The following MGAT4C variants were observed in gnomAD, a reference collection of about 807,000 sequenced individuals.
MGAT4C encodes the protein alpha-1,3-mannosyl-glycoprotein 4-beta-N-acetylglucosaminyltransferase C.
In MGAT4C, 19 loss-of-function variants were observed where a neutral mutation model predicts 40.1. The observed-to-expected ratio is 0.47, with a 90% CI of 0.33 to 0.70. The LOEUF (loss-of-function observed/expected upper bound fraction) is 0.70. MGAT4C is among the 30% of genes least tolerant of loss of function. The pLI is 0.02. For missense variants in MGAT4C, 491 were observed against 563.2 expected, an observed-to-expected ratio of 0.87 and a Z score of 1.30; for synonymous variants, 181 against 187.1, an observed-to-expected ratio of 0.97 and a Z score of 0.27.
chr12:86,281,559 T>C (rs1156467952), intron 4 of MGAT4C, among the ~76,000 whole-genome samples: 1 of 152,004 alleles, frequency 6.6e-6, no homozygotes, highest in African/African-American at 2.4e-5. Flanking sequence ...AATTTTTCTA[T>C]TTTTTTAGAG....
intron 4 of MGAT4C, among the ~76,000 whole-genome samples, chr12:86,268,920 G>A (rs1318947716): frequency 2.8e-5 from 4 of 142,374 alleles, no homozygotes; most frequent in Non-Finnish European, 6.1e-5. Flanking sequence ...AACAAGTAGA[G>A]GAGATATTAC....
intron 4 of MGAT4C, 36 bp downstream of exon 4, chr12:85,983,487 T>A: frequency 6.8e-7 from 1 of 1,466,776 alleles, no homozygotes; most frequent in South Asian, 1.4e-5. Flanking sequence ...CAAAATATTT[T>A]ATGTATTCTT....
At chr12:86,713,571 T>C (rs937235772) in intron 2 of MGAT4C, among the ~76,000 whole-genome samples, 1 of 152,130 alleles carries the variant, frequency 6.6e-6, no homozygotes, top group Non-Finnish European at 1.5e-5. Flanking sequence ...CAAGAAAGGA[T>C]AGTTTCATGA....
intron 3 of MGAT4C, among the ~76,000 whole-genome samples, chr12:86,336,834 T>C (rs1954801417): frequency 6.6e-6 from 1 of 152,164 alleles, no homozygotes; most frequent in African/African-American, 2.4e-5. Flanking sequence ...GGCACTTATT[T>C]TTCAATATTT....
At chr12:86,283,335 T>C (rs574570409) in intron 4 of MGAT4C, among the ~76,000 whole-genome samples, 2 of 152,194 alleles carry the variant, frequency 1.3e-5, no homozygotes, top group East Asian at 3.9e-4. Context: ...TAGTGTTTTA[T>C]AGTGGTAGAG....
At chr12:86,422,716 T>C (rs1956851349) in intron 3 of MGAT4C, among the ~76,000 whole-genome samples, 1 of 152,172 alleles carries the variant, frequency 6.6e-6, no homozygotes, top group Non-Finnish European at 1.5e-5. Context: ...AATAAAGATA[T>C]TGTGGAATAA....
intron 2 of MGAT4C, among the ~76,000 whole-genome samples, chr12:86,027,012 T>C (rs1333211113): frequency 6.6e-6 from 1 of 152,024 alleles, no homozygotes; most frequent in Non-Finnish European, 1.5e-5. Context: ...TATTAACTAG[T>C]TCTCAGTATA....
intron 2 of MGAT4C, among the ~76,000 whole-genome samples, chr12:86,526,848 T>C (rs1958892915): frequency 6.6e-6 from 1 of 152,056 alleles, no homozygotes; most frequent in South Asian, 2.1e-4. Flanking sequence ...CCAACTCGAG[T>C]GTCCATGGTG....
intron 1 of MGAT4C, among the ~76,000 whole-genome samples, chr12:86,188,973 G>A (rs564459651): frequency 2.0e-5 from 3 of 151,968 alleles, no homozygotes; most frequent in Non-Finnish European, 2.9e-5. Context: ...AGAGTGGTTA[G>A]GGTAACTAGA....
At chr12:86,244,805 C>A (rs1229218755) in intron 1 of MGAT4C, among the ~76,000 whole-genome samples, 1 of 152,154 alleles carries the variant, frequency 6.6e-6, no homozygotes, top group Non-Finnish European at 1.5e-5. Context: ...GTTCTTCAAA[C>A]AGAAAGAACA....
intron 2 of MGAT4C, among the ~76,000 whole-genome samples, chr12:86,476,671 T>G (rs762246628): frequency 2.6e-5 from 4 of 152,042 alleles, no homozygotes; most frequent in African/African-American, 9.7e-5. Context: ...AGACATGGAA[T>G]CAACCAAGGT....
At position 86,678,872 on chromosome 12, in the gene MGAT4C, T is replaced by C. The variant is rs538047285; in HGVS notation, c.-229+48337A>G. On this transcript the variant is annotated intron_variant, in intron 2 of 7. Coordinates refer to the MGAT4C transcript ENST00000548651. ...GGTTCCAAGTCTTTGCTATTGTTAA[T>C]AGTGCTGCAGTAAACATACGTGTGC... 3.1e-3 allele frequency among the ~76,000 whole-genome samples: 475 copies of C among 152,252 alleles called. 1 individual carries two copies. The highest frequency in any genetic ancestry group is 0.011 in the African/African-American group (460 of 41,534).
At chr12:86,121,577 G>T (rs1592997441) in intron 1 of MGAT4C, among the ~76,000 whole-genome samples, 1 of 152,226 alleles carries the variant, frequency 6.6e-6, no homozygotes, top group African/African-American at 2.4e-5. Flanking sequence ...CCAGAAGAGA[G>T]TGGGGGCCAA....
chr12:86,457,693 C>T (rs1176060846), intron 2 of MGAT4C, among the ~76,000 whole-genome samples: 1 of 152,058 alleles, frequency 6.6e-6, no homozygotes, highest in Non-Finnish European at 1.5e-5. Context: ...TAGTCACAGA[C>T]TTTAGACTCT....
intron 1 of MGAT4C, among the ~76,000 whole-genome samples, chr12:86,057,545 C>A (rs769885483): frequency 6.6e-6 from 1 of 152,114 alleles, no homozygotes; most frequent in Non-Finnish European, 1.5e-5. Flanking sequence ...ACATATATTC[C>A]ATTTTCCTAG....
intron 1 of MGAT4C, among the ~76,000 whole-genome samples, chr12:86,252,550 C>T (rs994734670): frequency 4.6e-5 from 7 of 151,736 alleles, no homozygotes; most frequent in Non-Finnish European, 1.0e-4. Flanking sequence ...AGTTGAATAG[C>T]GAATAAATAT....
At chr12:86,659,929 T>TA (rs368852172) in intron 2 of MGAT4C, among the ~76,000 whole-genome samples, 1,682 of 138,122 alleles carry the variant, frequency 0.012, 30 homozygotes, top group African/African-American at 0.04. Flanking sequence ...GCAGGGTGAT[T>TA]AAAAAAAAAA....
chr12:86,738,253 T>TTTCCTTCA (rs1951015173), intron 1 of MGAT4C, among the ~76,000 whole-genome samples: 1 of 151,458 alleles, frequency 6.6e-6, no homozygotes, highest in Non-Finnish European at 1.5e-5. Flanking sequence ...ACATATTTGT[T>TTTCCTTCA]TTCCTTCATA....
intron 1 of MGAT4C, among the ~76,000 whole-genome samples, chr12:86,182,719 T>A (rs1045312963): frequency 6.6e-6 from 1 of 152,182 alleles, no homozygotes; most frequent in Non-Finnish European, 1.5e-5. Flanking sequence ...TAGATTGACA[T>A]AAAGCAGCCA....
Sources: gnomAD v4.1 joint callset for allele counts (sites outside exome capture counted in the v4.1 genomes callset) on GRCh38, gnomAD v4.1.1 for gene constraint, MANE v1.5 for transcripts, NCBI Gene and HGNC (gene_info 2026-07-23, HGNC 2026-07-21) for gene names.